GABRR1: variants seen among roughly 807,000 people sequenced by gnomAD.
GABRR1 encodes the protein gamma-aminobutyric acid receptor subunit rho-1.
Under a neutral mutation model 55.5 loss-of-function variants are expected in GABRR1, and 59 were observed. The observed-to-expected ratio is 1.06, with a 90% confidence interval of 0.86 to 1.32. The LOEUF (loss-of-function observed/expected upper bound fraction) is 1.32. Among genes scored for constraint, GABRR1 ranks in the 40% most tolerant of loss-of-function variants. GABRR1 has a pLI of 0.00. For missense variants in GABRR1, 602 were observed against 619.1 expected (o/e 0.97, Z 0.29); for synonymous variants, 213 against 226.0 (o/e 0.94, Z 0.51).
intron 4 of GABRR1, among the ~76,000 whole-genome samples, chr6:89,199,050 T>C (rs1021612698): frequency 3.9e-5 from 6 of 152,170 alleles, no homozygotes; most frequent in African/African-American, 1.4e-4. Context: ...AGGAATAAGA[T>C]GTGTTTGACT....
chr6:89,230,931 A>G (rs1463762691), intron 1 of GABRR1, among the ~76,000 whole-genome samples: 9 of 149,446 alleles, frequency 6.0e-5, no homozygotes, highest in Admixed American at 2.0e-4. Context: ...TGGGCGTAGG[A>G]CCCTCCGAGC....
intron 1 of GABRR1, among the ~76,000 whole-genome samples, chr6:89,224,378 C>T (rs904858830): frequency 1.1e-4 from 16 of 152,306 alleles, no homozygotes; most frequent in Admixed American, 7.8e-4. Flanking sequence ...AGGTGTGAGC[C>T]ACCATGCCCA....
Position 89,181,931 on chromosome 6 carries a change from C to G in GABRR1, c.923G>C (p.Arg308Thr). ...TAAGGGGACTCTGGCAGGCACGGCT[C>G]TGCGGTCGATCCAGAAGGACACCCA... ...LSWVSFWIDR[R>T]AVPARVPLGI... Residue 308 changes from arginine to threonine, a missense_variant, in exon 8 of 10, where the codon AGA becomes ACA. Arg to Thr is a moderately conservative substitution (Grantham distance 71). Around this residue, in one of 3 missense-constraint regions of GABRR1, gnomAD observed 435 missense variants for 424.2 expected, o/e 1.03. Coordinates refer to ENST00000454853, the MANE Select transcript of GABRR1 (RefSeq NM_002042.5). The G allele has an allele frequency of 6.2e-7, 1 of 1,613,782 alleles. No individual in the cohort carries two copies. Among genetic ancestry groups the G allele is most frequent in the Non-Finnish European group, 8.5e-7 (1 of 1,179,804 alleles).
chr6:89,183,006 T>C (rs1308218163), intron 7 of GABRR1, among the ~76,000 whole-genome samples: 1 of 151,752 alleles, frequency 6.6e-6, no homozygotes, highest in Non-Finnish European at 1.5e-5. Context: ...GTGCTTTAAG[T>C]TAAAAAAGAA....
At chr6:89,180,179 A>C in intron 9 of GABRR1, 113 bp downstream of exon 9, 1 of 1,137,142 alleles carries the variant, frequency 8.8e-7, no homozygotes, top group Non-Finnish European at 1.2e-6. Flanking sequence ...TGAAGTAGGC[A>C]CAGGAGAGGG....
At chr6:89,196,822 G>GGAAAGAAAGAAGAAAGAAAGAAAGAAA (rs1554190820) in intron 5 of GABRR1, among the ~76,000 whole-genome samples, 5 of 91,062 alleles carry the variant, frequency 5.5e-5, no homozygotes, top group African/African-American at 2.1e-4. Context: ...AAGAAAAGAA[G>GGAAAGAAAGAAGAAAGAAAGAAAGAAA]GAAAGAAAGA....
At chr6:89,199,464 T>C (rs1772399225) in intron 3 of GABRR1, 35 bp from the exon 4 acceptor site, 1 of 1,600,582 alleles carries the variant, frequency 6.2e-7, no homozygotes, top group Non-Finnish European at 8.6e-7. Flanking sequence ...ATTCACTGTT[T>C]TTACTTGAAA....
At chr6:89,209,438 T>C (rs1183209005) in intron 1 of GABRR1, among the ~76,000 whole-genome samples, 1 of 152,162 alleles carries the variant, frequency 6.6e-6, no homozygotes, top group African/African-American at 2.4e-5. Flanking sequence ...GAAATCCCCA[T>C]AGCCAATTAA....
In GABRR1 at chr6:89,198,618, C is replaced by A. The variant is rs75084884; in HGVS notation, c.349-375G>T. On this transcript the variant is annotated intron_variant, in intron 4 of 9. Coordinates refer to ENST00000454853, the MANE Select transcript of GABRR1 (RefSeq NM_002042.5). Reference sequence around the variant, plus strand: ...TCAGAGAGAAGGCGGTGGATACATACCCCAGAGCCTGCACCCCTGAGTCAG... The same window carrying A: ...TCAGAGAGAAGGCGGTGGATACATAACCCAGAGCCTGCACCCCTGAGTCAG... Among the ~76,000 whole-genome samples the A allele has an allele frequency of 1.1e-3, 166 of 152,266 alleles. 1 individual carries two copies. The highest frequency in any genetic ancestry group is 3.8e-3 in the African/African-American group (158 of 41,560).
intron 1 of GABRR1, among the ~76,000 whole-genome samples, 176 bp downstream of exon 1, chr6:89,217,025 A>C (rs993589047): frequency 1.3e-5 from 2 of 152,314 alleles, no homozygotes; most frequent in East Asian, 3.9e-4. Flanking sequence ...TTAAAAGAAA[A>C]CGTAATTCTA....
chr6:89,228,636 G>T (rs1773234016), intron 1 of GABRR1, among the ~76,000 whole-genome samples: 1 of 118,850 alleles, frequency 8.4e-6, no homozygotes, highest in South Asian at 3.0e-4. Context: ...GAGATAGTTT[G>T]TTATAATCTC....
upstream of GABRR1, among the ~76,000 whole-genome samples, chr6:89,220,427 G>C (rs1388289994): frequency 6.6e-6 from 1 of 152,196 alleles, no homozygotes; most frequent in Non-Finnish European, 1.5e-5. Flanking sequence ...CCCTGTCTTA[G>C]AGCCCTTTCT....
intron 4 of GABRR1, 115 bp from the exon 5 acceptor site, chr6:89,198,358 A>T (rs1213261944): frequency 4.0e-6 from 3 of 753,680 alleles, no homozygotes; most frequent in Non-Finnish European, 6.8e-6. Flanking sequence ...GAACCAAGAG[A>T]GGTTTTGCTT....
intron 2 of GABRR1, among the ~76,000 whole-genome samples, chr6:89,201,728 G>A (rs1482272897): frequency 6.6e-6 from 1 of 150,418 alleles, no homozygotes; most frequent in African/African-American, 2.4e-5. Flanking sequence ...GCAGTGAGCC[G>A]AGATTGCACC....
At chr6:89,226,189 C>T (rs1031515234) in intron 1 of GABRR1, among the ~76,000 whole-genome samples, 10 of 150,798 alleles carry the variant, frequency 6.6e-5, no homozygotes, top group Non-Finnish European at 1.0e-4. Context: ...GAGTAGGTTG[C>T]GAAAATTTTC....
intron 6 of GABRR1, among the ~76,000 whole-genome samples, chr6:89,189,044 G>C (rs1427235569): frequency 6.8e-6 from 1 of 146,442 alleles, no homozygotes; most frequent in Non-Finnish European, 1.5e-5. Flanking sequence ...ACTCATGTCT[G>C]TGTGTGTGTG....
Position 89,217,276 on chromosome 6 carries a change from C to T in GABRR1, c.47G>A (p.Trp16Ter). The T allele has an allele frequency of 6.2e-7, 1 of 1,614,120 alleles. No homozygotes were observed. The highest frequency in any genetic ancestry group is 8.5e-7 in the Non-Finnish European group (1 of 1,179,992). ...GCTTTCAGTGGCCAAAACCCATCCCCACCACAAAAGAAAGATGCCAAATCT... is the reference window on the plus strand; with the variant it reads ...GCTTTCAGTGGCCAAAACCCATCCCTACCACAAAAGAAAGATGCCAAATCT... The part of the protein sequence containing the change: ...NMRFGIFLLW[W>*]GWVLATESRM... The change falls in exon 1 of 10, where the codon TGG becomes TAG. Residue 16 changes from tryptophan (W) to a stop codon, truncating the protein, a stop_gained. Coordinates refer to ENST00000454853, the MANE Select transcript of GABRR1 (RefSeq NM_002042.5). LOFTEE classifies it high-confidence loss of function.
rs1772359146 is a variant in GABRR1 at position 89,198,116 on chromosome 6, A to C, written c.476T>G (p.Phe159Cys). ...GAAGGAGCGTTTGGAGTGCACGAAA[A>C]ACATGTCAGGGACCCAGATCTTCTT... The part of the protein sequence containing the change: ...LVKKIWVPDM[F>C]FVHSKRSFIH... Residue 159 changes from phenylalanine to cysteine, a missense_variant, in exon 5 of 10, where the codon TTT (phenylalanine) becomes TGT (cysteine). By Grantham distance (205) the Phe-to-Cys change is radical. Coordinates refer to ENST00000454853, the MANE Select transcript of GABRR1 (RefSeq NM_002042.5). The C allele has an allele frequency of 1.2e-6, 2 of 1,613,958 alleles. 1 individual carries two copies. Among genetic ancestry groups the C allele is most frequent in the South Asian group, 2.2e-5 (2 of 91,072 alleles).
At position 89,187,723 on chromosome 6, in the gene GABRR1, T is replaced by G. The variant is rs536152553; in HGVS notation, c.656-2273A>C. Among the ~76,000 whole-genome samples the G allele has an allele frequency of 1.5e-4, 23 of 152,346 alleles. 1 individual carries two copies. In the South Asian group the frequency reaches 4.8e-3, roughly 32 times the overall value. ...CTCTTAAAAGTGACATCATACAGTA[T>G]TTGTCTTTTGCGATTGGCTGATTTC... On this transcript the variant is annotated intron_variant, in intron 6 of 9. Coordinates refer to ENST00000454853, the MANE Select transcript of GABRR1 (RefSeq NM_002042.5).
Sources: allele counts gnomAD v4.1 joint callset (sites outside exome capture counted in the v4.1 genomes callset), GRCh38; gene constraint gnomAD v4.1.1; regional missense constraint gnomAD v4.1.1; transcripts MANE v1.5; gene names NCBI Gene and HGNC (gene_info 2026-07-23, HGNC 2026-07-21).